ACO1: variants seen among roughly 807,000 people sequenced by gnomAD.
ACO1 encodes the protein aconitase 1, also known as cytoplasmic aconitate hydratase.
ACO1 carries 78 observed loss-of-function variants against 105.1 expected under a neutral mutation model. That is an observed-to-expected ratio of 0.74 (90% CI 0.62 to 0.90). The LOEUF is 0.90. Among genes scored for constraint, ACO1 ranks in the 40% least tolerant of loss-of-function variants. The pLI is 0.00. For synonymous variants in ACO1, 364 were observed against 397.4 expected (o/e 0.92, Z 1.00); for missense variants, 965 against 1,111.1 (o/e 0.87, Z 1.87).
intron 4 of ACO1, among the ~76,000 whole-genome samples, chr9:32,416,540 C>T (rs777453296): frequency 1.3e-5 from 2 of 152,200 alleles, no homozygotes; most frequent in Non-Finnish European, 2.9e-5. Flanking sequence ...CCAATCCCCC[C>T]AACCCCCACC....
chr9:32,392,843 A>G (rs1371027681), intron 1 of ACO1, among the ~76,000 whole-genome samples: 1 of 152,242 alleles, frequency 6.6e-6, no homozygotes. Flanking sequence ...TAATACTTTT[A>G]TAATTTCTTA....
intron 2 of ACO1, among the ~76,000 whole-genome samples, chr9:32,405,962 A>G (rs1036292906): frequency 6.6e-6 from 1 of 152,248 alleles, no homozygotes; most frequent in Middle Eastern, 3.2e-3. Flanking sequence ...GTTGTAGACA[A>G]GCAGGACAAG....
At chr9:32,416,060 A>C (rs535012370) in intron 4 of ACO1, among the ~76,000 whole-genome samples, 1 of 151,856 alleles carries the variant, frequency 6.6e-6, no homozygotes, top group Admixed American at 6.6e-5. Context: ...ATTCATATCA[A>C]GAGAAAAAAA....
At chr9:32,435,698 G>GA (rs1822340020) in intron 17 of ACO1, among the ~76,000 whole-genome samples, 1 of 152,112 alleles carries the variant, frequency 6.6e-6, no homozygotes, top group African/African-American at 2.4e-5. Context: ...TGCCTCTTTA[G>GA]CACTGCCTCG....
intron 1 of ACO1, among the ~76,000 whole-genome samples, chr9:32,393,884 C>T (rs1256617568): frequency 6.6e-6 from 1 of 152,158 alleles, no homozygotes; most frequent in Non-Finnish European, 1.5e-5. Flanking sequence ...AACACCGTAA[C>T]CTGCCTCCCA....
chr9:32,422,713 C>T (rs1050924970), intron 8 of ACO1, among the ~76,000 whole-genome samples: 12 of 152,086 alleles, frequency 7.9e-5, no homozygotes, highest in Admixed American at 5.9e-4. Flanking sequence ...TTGGTTCTAC[C>T]GTTTACTGGC....
At chr9:32,431,948 A>T in intron 15 of ACO1, 105 bp downstream of exon 15, 1 of 1,312,088 alleles carries the variant, frequency 7.6e-7, no homozygotes, top group South Asian at 1.5e-5. Context: ...TAAACTATAT[A>T]AAGTAACATT....
chr9:32,423,286 A>T, intron 8 of ACO1, 33 bp from the exon 9 acceptor site: 3 of 1,276,052 alleles, frequency 2.4e-6, no homozygotes, highest in Non-Finnish European at 3.3e-6. Context: ...ATACTAACCT[A>T]TGTTACTTGT....
rs560565589 is a variant in ACO1, at chr9:32,439,712, T to A, written c.2248-753T>A. 1.3e-5 allele frequency among the ~76,000 whole-genome samples: 2 copies of A among 152,370 alleles called. No homozygotes were observed. Among genetic ancestry groups the A allele is most frequent in the South Asian group, 2.1e-4 (1 of 4,832 alleles). On this transcript the variant is annotated intron_variant, in intron 18 of 20. Transcript: ENST00000309951. This position sits in a 1 kb window ranked among gnomAD's most constrained non-coding sequence, Gnocchi z 4.0. The stretch of plus-strand genomic sequence containing the variant: ...TGAAGAAAGGGGACTGATAAAAGTT[T>A]GCACTTTATATAATTTCAGAACATG...
chr9:32,438,917 G>T (rs1393448384), intron 18 of ACO1, among the ~76,000 whole-genome samples: 2 of 152,190 alleles, frequency 1.3e-5, no homozygotes, highest in African/African-American at 4.8e-5. Context: ...GAGAAATCAA[G>T]AACTAGTAGT....
At chr9:32,417,286 A>T (rs1000959322) in intron 4 of ACO1, among the ~76,000 whole-genome samples, 13 of 152,220 alleles carry the variant, frequency 8.5e-5, no homozygotes, top group African/African-American at 3.1e-4. Context: ...GTAGTGTCAA[A>T]AAGTGTTAAC....
chr9:32,389,834 T>C (rs998714809), intron 1 of ACO1, among the ~76,000 whole-genome samples: 2 of 143,328 alleles, frequency 1.4e-5, no homozygotes, highest in African/African-American at 5.2e-5. Context: ...CGTCTCACTC[T>C]GTCACACAGG....
chr9:32,405,131 C>A (rs970929893), intron 1 of ACO1, among the ~76,000 whole-genome samples: 6 of 152,176 alleles, frequency 3.9e-5, no homozygotes, highest in Non-Finnish European at 8.8e-5. Context: ...AGGAAAGAGG[C>A]GCTGGGCAAA....
At chr9:32,440,139 C>T (rs558902958) in intron 18 of ACO1, among the ~76,000 whole-genome samples, 4 of 151,860 alleles carry the variant, frequency 2.6e-5, no homozygotes, top group Non-Finnish European at 4.4e-5. Flanking sequence ...TGGTGGTGTG[C>T]GCCTGTAATC....
At chr9:32,399,966 G>GTTTTTTTTTTTTTTTTTTTTTTTTTCTTT (rs57615512) in intron 1 of ACO1, among the ~76,000 whole-genome samples, 2 of 69,844 alleles carry the variant, frequency 2.9e-5, no homozygotes, top group African/African-American at 6.1e-5. Context: ...TTCTTTTTCT[G>GTTTTTTTTTTTTTTTTTTTTTTTTTCTTT]TTTTTTTTTT....
intron 2 of ACO1, among the ~76,000 whole-genome samples, chr9:32,406,716 A>G (rs1389763229): frequency 6.6e-6 from 1 of 152,212 alleles, no homozygotes; most frequent in Non-Finnish European, 1.5e-5. Flanking sequence ...AATCCAGGAC[A>G]AGACAACCAT....
At chr9:32,401,566 A>G (rs1238875069) in intron 1 of ACO1, among the ~76,000 whole-genome samples, 2 of 152,158 alleles carry the variant, frequency 1.3e-5, no homozygotes, top group African/African-American at 4.8e-5. Context: ...AGGTGTCCCT[A>G]GGGAATGGTG....
chr9:32,385,062 C>T (rs898015163), intron 1 of ACO1, among the ~76,000 whole-genome samples: 4 of 152,150 alleles, frequency 2.6e-5, no homozygotes, highest in Non-Finnish European at 5.9e-5. Context: ...GTCCTAACCC[C>T]GAGGGTGTGA....
chr9:32,438,692 A>G (rs12238573), intron 18 of ACO1, among the ~76,000 whole-genome samples: 1 of 152,198 alleles, frequency 6.6e-6, no homozygotes, highest in African/African-American at 2.4e-5. Context: ...CCAGTGAAAC[A>G]TGTCTTAAAT....
Sources: allele counts gnomAD v4.1 joint callset (sites outside exome capture counted in the v4.1 genomes callset), GRCh38; gene constraint gnomAD v4.1.1; non-coding constraint Gnocchi (gnomAD v3.1); transcripts MANE v1.5; gene names NCBI Gene and HGNC (gene_info 2026-07-23, HGNC 2026-07-21).